Variants in KCNIP4 observed in about 807,000 individuals in gnomAD.
The protein encoded by KCNIP4 is Kv channel-interacting protein 4.
In KCNIP4, 12 loss-of-function variants were observed where a neutral mutation model predicts 34.0. The observed-to-expected ratio is 0.35, with a 90% confidence interval of 0.23 to 0.57. KCNIP4 has a LOEUF of 0.57. Ranked by LOEUF, KCNIP4 falls within the 20% of genes least tolerant of loss-of-function variation. The pLI is 0.83. For missense variants in KCNIP4, 238 were observed against 311.7 expected (o/e 0.76, Z 1.78); for synonymous variants, 124 against 102.2 (o/e 1.21, Z -1.29).
intron 1 of KCNIP4, among the ~76,000 whole-genome samples, chr4:21,033,774 T>G (rs1281661897): frequency 6.6e-6 from 1 of 152,180 alleles, no homozygotes; most frequent in Non-Finnish European, 1.5e-5. Flanking sequence ...ATTTAAATAT[T>G]GGGCCAATAT....
At chr4:21,701,264 G>T (rs1712813770) in intron 1 of KCNIP4, among the ~76,000 whole-genome samples, 1 of 152,170 alleles carries the variant, frequency 6.6e-6, no homozygotes, top group Admixed American at 6.5e-5. Context: ...GGGAAGGGCT[G>T]ATGGAAAAAG....
At chr4:21,300,678 C>G (rs753021737) in intron 1 of KCNIP4, among the ~76,000 whole-genome samples, 1 of 152,100 alleles carries the variant, frequency 6.6e-6, no homozygotes, top group Non-Finnish European at 1.5e-5. Context: ...TCTCTATTCT[C>G]TTGAAATACA....
chr4:20,790,470 C>G (rs988670996), intron 3 of KCNIP4, among the ~76,000 whole-genome samples: 1 of 152,098 alleles, frequency 6.6e-6, no homozygotes, highest in East Asian at 1.9e-4. Context: ...CATTTAAACT[C>G]TTGTAATAAC....
In KCNIP4 at chr4:21,368,657, A is replaced by G. The variant is rs374228781; in HGVS notation, c.62-485948T>C. Among the ~76,000 whole-genome samples, 33 of 147,532 alleles carry G rather than the reference A, an allele frequency of 2.2e-4. 2 individuals are homozygous for G. The highest frequency in any genetic ancestry group is 4.3e-4 in the African/African-American group (16 of 37,158). On this transcript the variant is annotated intron_variant, in intron 1 of 8. Coordinates refer to ENST00000382152, the MANE Select transcript of KCNIP4 (RefSeq NM_025221.6). Reference sequence around the variant, plus strand: ...GGTTCTAGAGCCTGTGAAGTTACTTATCGTACCATACTACCTAGATTTTCC... The same window carrying G: ...GGTTCTAGAGCCTGTGAAGTTACTTGTCGTACCATACTACCTAGATTTTCC...
At chr4:20,780,215 A>G (rs1025869179) in intron 3 of KCNIP4, among the ~76,000 whole-genome samples, 1 of 152,172 alleles carries the variant, frequency 6.6e-6, no homozygotes, top group African/African-American at 2.4e-5. Flanking sequence ...AGTTGAATGG[A>G]TATAAGGTTG....
chr4:21,148,141 T>C (rs1246791242), intron 1 of KCNIP4, among the ~76,000 whole-genome samples: 4 of 152,206 alleles, frequency 2.6e-5, no homozygotes, highest in African/African-American at 7.2e-5. Context: ...GCTTAACCTT[T>C]GATGTAATGA....
intron 1 of KCNIP4, among the ~76,000 whole-genome samples, chr4:21,399,734 C>A (rs1389344886): frequency 2.0e-5 from 3 of 151,904 alleles, no homozygotes; most frequent in African/African-American, 7.3e-5. Context: ...TCGGTTCAAC[C>A]CAACCTCCAC....
At chr4:21,489,363 C>T (rs1260666524) in intron 1 of KCNIP4, among the ~76,000 whole-genome samples, 1 of 151,292 alleles carries the variant, frequency 6.6e-6, no homozygotes, top group East Asian at 1.9e-4. Context: ...AAATCAATAC[C>T]CTTCCAATTG....
intron 1 of KCNIP4, among the ~76,000 whole-genome samples, chr4:21,251,354 T>A (rs775564147): frequency 6.6e-6 from 1 of 152,206 alleles, no homozygotes; most frequent in African/African-American, 2.4e-5. Context: ...TTGCATGCAT[T>A]ACTTTTTACT....
chr4:21,917,597 T>A (rs1728707229), intron 1 of KCNIP4, among the ~76,000 whole-genome samples: 1 of 151,780 alleles, frequency 6.6e-6, no homozygotes, highest in Non-Finnish European at 1.5e-5. Flanking sequence ...AGATTGAGGA[T>A]TCAAACCCTG....
intron 1 of KCNIP4, among the ~76,000 whole-genome samples, chr4:20,913,358 T>A (rs1022910212): frequency 6.6e-6 from 1 of 152,138 alleles, no homozygotes; most frequent in South Asian, 2.1e-4. Context: ...AGAAAGCTGA[T>A]GAATGTTAGC....
At chr4:20,863,805 C>A (rs919317243) in intron 2 of KCNIP4, among the ~76,000 whole-genome samples, 1 of 151,972 alleles carries the variant, frequency 6.6e-6, no homozygotes, top group Admixed American at 6.6e-5. Flanking sequence ...CTCTGTGACA[C>A]GAGTTTACCT....
chr4:21,864,983 T>G (rs1406961881), intron 1 of KCNIP4, among the ~76,000 whole-genome samples: 1 of 152,160 alleles, frequency 6.6e-6, no homozygotes. Context: ...GATGCTGAAA[T>G]AAACTAGATG....
At chr4:21,928,361 T>C (rs1177953100) in intron 1 of KCNIP4, among the ~76,000 whole-genome samples, 3 of 152,014 alleles carry the variant, frequency 2.0e-5, no homozygotes, top group Non-Finnish European at 2.9e-5. Context: ...GTTATTAACA[T>C]ACAAAATAGA....
intron 2 of KCNIP4, among the ~76,000 whole-genome samples, chr4:20,853,976 CA>C (rs1175914112): frequency 6.6e-6 from 1 of 151,926 alleles, no homozygotes; most frequent in Non-Finnish European, 1.5e-5. Flanking sequence ...TGGCCATAAT[CA>C]AAAAATCAAA....
At chr4:21,465,997 G>A (rs1455090093) in intron 1 of KCNIP4, among the ~76,000 whole-genome samples, 1 of 152,134 alleles carries the variant, frequency 6.6e-6, no homozygotes, top group Non-Finnish European at 1.5e-5. Context: ...CTAGTTGTCA[G>A]CTGGAATACT....
intron 1 of KCNIP4, among the ~76,000 whole-genome samples, chr4:21,112,439 G>T (rs1366336328): frequency 1.3e-5 from 2 of 152,196 alleles, no homozygotes; most frequent in Admixed American, 1.3e-4. Flanking sequence ...CGGAGGTCCA[G>T]ACCTCTGATG....
At chr4:20,981,888 G>T in intron 1 of KCNIP4, among the ~76,000 whole-genome samples, 1 of 151,934 alleles carries the variant, frequency 6.6e-6, no homozygotes, top group Non-Finnish European at 1.5e-5. Flanking sequence ...TATAGATTCA[G>T]ATATGGATAG....
intron 1 of KCNIP4, among the ~76,000 whole-genome samples, chr4:21,143,974 C>T (rs370622124): frequency 6.1e-4 from 93 of 152,210 alleles, no homozygotes; most frequent in African/African-American, 2.2e-3. Flanking sequence ...TCCCAAAGTG[C>T]TGCGATTACA....
Sources: gnomAD v4.1 joint callset for allele counts (sites outside exome capture counted in the v4.1 genomes callset) on GRCh38, gnomAD v4.1.1 for gene constraint, MANE v1.5 for transcripts, NCBI Gene and HGNC (gene_info 2026-07-23, HGNC 2026-07-21) for gene names.